The following PRKN variants were observed in gnomAD, a reference collection of about 807,000 sequenced individuals.
PRKN encodes E3 ubiquitin-protein ligase parkin.
A neutral mutation model predicts 59.5 loss-of-function variants in PRKN; 56 were observed. That is an observed-to-expected ratio of 0.94 (90% confidence interval 0.76 to 1.18). The LOEUF (loss-of-function observed/expected upper bound fraction) is 1.18. Among genes scored for constraint, PRKN ranks in the 50% most tolerant of loss-of-function variants. The probability of loss-of-function intolerance (pLI) is 0.00; values close to 1 mark genes in which losing one functional copy is unlikely to be tolerated. For synonymous variants in PRKN, 250 were observed against 222.1 expected (o/e 1.13, Z -1.12); for missense variants, 657 against 596.4 (o/e 1.10, Z -1.06).
chr6:161,544,548 T>C lies in PRKN; in HGVS notation c.1083+4306A>G, dbSNP rs73017375. On this transcript the variant is annotated intron_variant, in intron 9 of 11. Coordinates refer to ENST00000366898, the MANE Select transcript of PRKN (RefSeq NM_004562.3). The surrounding 1 kb of genome is among the most constrained non-coding windows in gnomAD (Gnocchi z 5.5). Reference sequence around the variant, plus strand: ...TTCATTCATTCATTCATTCATACATTTGATGAATGTTAAACACCAAATACA... The same window carrying C: ...TTCATTCATTCATTCATTCATACATCTGATGAATGTTAAACACCAAATACA... 7.6e-4 allele frequency among the ~76,000 whole-genome samples: 115 copies of C among 152,184 alleles called. No homozygotes were observed. The highest frequency in any genetic ancestry group is 1.2e-3 in the Non-Finnish European group (83 of 67,996).
intron 6 of PRKN, among the ~76,000 whole-genome samples, chr6:161,895,853 G>C (rs1361198542): frequency 6.6e-6 from 1 of 152,196 alleles, no homozygotes; most frequent in East Asian, 1.9e-4. Flanking sequence ...TGGGGGTAAG[G>C]GGCAGGGTTG....
intron 6 of PRKN, among the ~76,000 whole-genome samples, chr6:161,971,401 A>G (rs1449861703): frequency 6.6e-6 from 1 of 152,210 alleles, no homozygotes; most frequent in Non-Finnish European, 1.5e-5. Context: ...CTTACAGAAG[A>G]GTATTTTGAA....
intron 1 of PRKN, among the ~76,000 whole-genome samples, chr6:162,714,564 G>A (rs150421968): frequency 5.3e-5 from 8 of 152,244 alleles, no homozygotes; most frequent in Admixed American, 2.6e-4. Flanking sequence ...CATCAATCAC[G>A]GAGTAGCCTA....
chr6:162,484,708 C>T (rs979672232), intron 1 of PRKN, among the ~76,000 whole-genome samples: 2 of 152,124 alleles, frequency 1.3e-5, no homozygotes, highest in Non-Finnish European at 1.5e-5. Flanking sequence ...TGCAGTGAGA[C>T]GGGGCATGCT....
At chr6:161,860,468 C>T (rs1000203119) in intron 6 of PRKN, among the ~76,000 whole-genome samples, 2 of 152,146 alleles carry the variant, frequency 1.3e-5, no homozygotes, top group African/African-American at 2.4e-5. Flanking sequence ...ACAATATTTG[C>T]GATCTCGCAC....
At chr6:161,534,285 G>A (rs1279038542) in intron 9 of PRKN, among the ~76,000 whole-genome samples, 4 of 152,118 alleles carry the variant, frequency 2.6e-5, no homozygotes, top group African/African-American at 9.7e-5. Context: ...ACCACTTCCA[G>A]GTCAAATTTC....
At chr6:162,135,938 T>C (rs1781546577) in intron 4 of PRKN, among the ~76,000 whole-genome samples, 1 of 152,024 alleles carries the variant, frequency 6.6e-6, no homozygotes, top group South Asian at 2.1e-4. Context: ...ATACAGTCTT[T>C]ATTCAAAAGC....
At chr6:162,469,507 T>TAC (rs1554331665) in intron 1 of PRKN, among the ~76,000 whole-genome samples, 1 of 137,904 alleles carries the variant, frequency 7.3e-6, no homozygotes, top group African/African-American at 2.9e-5. Context: ...TGTGTGTGTG[T>TAC]ATACACACAC....
chr6:162,220,387 G>A (rs966358874), intron 3 of PRKN, among the ~76,000 whole-genome samples: 45 of 152,116 alleles, frequency 3.0e-4, no homozygotes, highest in African/African-American at 1.0e-3. Flanking sequence ...AAACAAACAA[G>A]GGAGTAAACA....
At chr6:161,501,365 T>A (rs1332401567) in intron 9 of PRKN, among the ~76,000 whole-genome samples, 2 of 152,224 alleles carry the variant, frequency 1.3e-5, no homozygotes, top group Non-Finnish European at 2.9e-5. Flanking sequence ...AAATGCCAAA[T>A]GACATATGAT....
intron 6 of PRKN, among the ~76,000 whole-genome samples, chr6:161,837,928 C>G (rs537949639): frequency 6.6e-6 from 1 of 152,152 alleles, no homozygotes; most frequent in Non-Finnish European, 1.5e-5. Context: ...TCTGTCATTT[C>G]TGAGCTGCTG....
At chr6:161,617,614 G>A (rs1782744130) in intron 7 of PRKN, among the ~76,000 whole-genome samples, 1 of 152,190 alleles carries the variant, frequency 6.6e-6, no homozygotes, top group African/African-American at 2.4e-5. Context: ...AGTTTTCAGG[G>A]AGGAATATAA....
At chr6:162,218,216 G>A (rs563366900) in intron 3 of PRKN, among the ~76,000 whole-genome samples, 30 of 152,318 alleles carry the variant, frequency 2.0e-4, no homozygotes, top group African/African-American at 6.3e-4. Flanking sequence ...CGCTCCCTGC[G>A]GAAGCCCCTC....
intron 6 of PRKN, among the ~76,000 whole-genome samples, chr6:161,954,037 G>A (rs1375345809): frequency 6.6e-6 from 1 of 152,086 alleles, no homozygotes; most frequent in Non-Finnish European, 1.5e-5. Context: ...ACCTCCCAAT[G>A]TTATTCTGAG....
At chr6:162,022,851 G>A (rs920286359) in intron 5 of PRKN, among the ~76,000 whole-genome samples, 5 of 152,082 alleles carry the variant, frequency 3.3e-5, no homozygotes, top group South Asian at 2.1e-4. Context: ...GAGAGGAAGC[G>A]TTCCAGTTTC....
intron 7 of PRKN, among the ~76,000 whole-genome samples, chr6:161,615,888 C>T (rs1338818828): frequency 6.6e-6 from 1 of 152,202 alleles, no homozygotes; most frequent in Non-Finnish European, 1.5e-5. Context: ...CGTACCCCGA[C>T]CTTTTTGTTA....
chr6:162,023,315 A>G (rs2105723), intron 5 of PRKN, among the ~76,000 whole-genome samples: 77,490 of 151,946 alleles, frequency 0.51, 19,937 homozygotes, highest in East Asian at 0.6. Context: ...GGCTTTCTGT[A>G]TCCCCAGTTT....
chr6:162,079,263 C>T (rs77001194), intron 4 of PRKN, among the ~76,000 whole-genome samples: 2 of 152,186 alleles, frequency 1.3e-5, no homozygotes, highest in East Asian at 3.9e-4. Context: ...AAAGCAAGGA[C>T]GATAGTTGGG....
intron 5 of PRKN, among the ~76,000 whole-genome samples, chr6:162,048,330 C>T (rs996654879): frequency 3.3e-5 from 5 of 151,870 alleles, no homozygotes; most frequent in Non-Finnish European, 7.4e-5. Flanking sequence ...GTAAATACCC[C>T]CATCCTAAAC....
Sources: allele counts gnomAD v4.1 joint callset (sites outside exome capture counted in the v4.1 genomes callset), GRCh38; gene constraint gnomAD v4.1.1; non-coding constraint Gnocchi (gnomAD v3.1); transcripts MANE v1.5; gene names NCBI Gene and HGNC (gene_info 2026-07-23, HGNC 2026-07-21).